ZNF420: variants seen among roughly 807,000 people sequenced by gnomAD.
ZNF420 encodes ATM and p53-associated KZNF protein.
ZNF420 carries 31 observed loss-of-function variants against 44.7 expected under a neutral mutation model. The ratio of observed to expected loss-of-function variants is 0.69; its 90% CI spans 0.52 to 0.94. The LOEUF (loss-of-function observed/expected upper bound fraction) is 0.94, where lower values mean the gene tolerates loss of function less well. ZNF420 is among the 40% of genes least tolerant of loss of function. The pLI, the probability that ZNF420 is intolerant of heterozygous loss-of-function variation, is 0.00. For synonymous variants in ZNF420, 245 were observed against 267.4 expected (o/e 0.92, Z 0.82); for missense variants, 681 against 827.9 (o/e 0.82, Z 2.18).
At chr19:37,045,130 A>G (rs1284629925) in intron 1 of ZNF420, among the ~76,000 whole-genome samples, 1 of 152,174 alleles carries the variant, frequency 6.6e-6, no homozygotes, top group African/African-American at 2.4e-5. Flanking sequence ...TTGCTTCACC[A>G]TATTTTGAAC....
At chr19:37,083,332 T>C (rs1005857230) in intron 2 of ZNF420, among the ~76,000 whole-genome samples, 3 of 152,234 alleles carry the variant, frequency 2.0e-5, no homozygotes, top group Non-Finnish European at 4.4e-5. Flanking sequence ...AATTATATTC[T>C]AATTCTTCTG....
At chr19:37,097,757 G>T (rs1389040013) in intron 4 of ZNF420, among the ~76,000 whole-genome samples, 4 of 152,112 alleles carry the variant, frequency 2.6e-5, no homozygotes, top group Non-Finnish European at 4.4e-5. Flanking sequence ...AAGTTTATAT[G>T]ATCATGATGT....
chr19:37,038,832 A>T (rs1260508581), intron 1 of ZNF420, among the ~76,000 whole-genome samples: 1 of 152,118 alleles, frequency 6.6e-6, no homozygotes, highest in African/African-American at 2.4e-5. Flanking sequence ...TACTAAAAAT[A>T]CAACATTAGC....
At chr19:37,116,384 A>G (rs1196489677) in intron 4 of ZNF420, among the ~76,000 whole-genome samples, 1 of 151,616 alleles carries the variant, frequency 6.6e-6, no homozygotes, top group Non-Finnish European at 1.5e-5. Flanking sequence ...AAAAAAAAAA[A>G]AAAAAAGAAT....
chr19:37,077,389 T>C (rs1461213515), upstream of ZNF420, among the ~76,000 whole-genome samples: 1 of 152,210 alleles, frequency 6.6e-6, no homozygotes, highest in Admixed American at 6.5e-5. Flanking sequence ...CTTTACCCTC[T>C]AATTAGAAAA....
chr19:37,026,005 A>G (rs987250058), intron 1 of ZNF420, among the ~76,000 whole-genome samples: 1 of 152,036 alleles, frequency 6.6e-6, no homozygotes, highest in Non-Finnish European at 1.5e-5. Context: ...TATATAATTT[A>G]ACATCAATCT....
chr19:37,076,355 A>G (rs914753335), upstream of ZNF420, among the ~76,000 whole-genome samples: 4 of 150,670 alleles, frequency 2.7e-5, no homozygotes, highest in African/African-American at 9.8e-5. Flanking sequence ...ATAATTGGAC[A>G]TAATTCTTTT....
intron 4 of ZNF420, among the ~76,000 whole-genome samples, chr19:37,094,242 T>G (rs1191995090): frequency 6.6e-6 from 1 of 152,250 alleles, no homozygotes; most frequent in Non-Finnish European, 1.5e-5. Flanking sequence ...TTGGATTTAT[T>G]TATCCCCTAT....
chr19:37,095,528 C>G (rs1969391917), intron 4 of ZNF420, among the ~76,000 whole-genome samples: 1 of 151,918 alleles, frequency 6.6e-6, no homozygotes. Flanking sequence ...TTCATTATAC[C>G]TTCCTTCTGG....
At chr19:37,055,409 T>C (rs1967723084) in intron 1 of ZNF420, among the ~76,000 whole-genome samples, 1 of 152,206 alleles carries the variant, frequency 6.6e-6, no homozygotes, top group East Asian at 1.9e-4. Context: ...CCTCCACCGG[T>C]AAAAGTCGGC....
At chr19:37,103,549 TCTCA>T (rs1213457362) in intron 4 of ZNF420, among the ~76,000 whole-genome samples, 1 of 152,206 alleles carries the variant, frequency 6.6e-6, no homozygotes, top group Non-Finnish European at 1.5e-5. Flanking sequence ...CCTGAGCTGA[TCTCA>T]CTGAGAAAAC....
At chr19:37,038,055 C>T (rs1200670266) in intron 1 of ZNF420, among the ~76,000 whole-genome samples, 1 of 151,656 alleles carries the variant, frequency 6.6e-6, no homozygotes, top group African/African-American at 2.4e-5. Flanking sequence ...GTTTGAACCC[C>T]GGAGGCAGAG....
chr19:37,098,798 C>G (rs1213061364), intron 4 of ZNF420, among the ~76,000 whole-genome samples: 1 of 152,122 alleles, frequency 6.6e-6, no homozygotes, highest in East Asian at 1.9e-4. Flanking sequence ...CTTATTTCTC[C>G]TATCTAACTA....
chr19:37,042,950 G>T (rs762159029), intron 1 of ZNF420, among the ~76,000 whole-genome samples: 1 of 152,090 alleles, frequency 6.6e-6, no homozygotes, highest in Non-Finnish European at 1.5e-5. Context: ...TCTCAAGGAA[G>T]AGAGAGAGCC....
chr19:37,037,344 G>T (rs996346047), intron 1 of ZNF420, among the ~76,000 whole-genome samples: 17 of 152,212 alleles, frequency 1.1e-4, no homozygotes, highest in Non-Finnish European at 1.9e-4. Flanking sequence ...TGCCGAGATG[G>T]ATGGCTACGA....
At chr19:37,113,994 T>A (rs2146679751) in intron 4 of ZNF420, among the ~76,000 whole-genome samples, 1 of 152,206 alleles carries the variant, frequency 6.6e-6, no homozygotes, top group East Asian at 1.9e-4. Context: ...GGGAGTTGGG[T>A]CCATACTGTT....
At chr19:37,116,521 C>G (rs746631017) in intron 4 of ZNF420, among the ~76,000 whole-genome samples, 7 of 152,178 alleles carry the variant, frequency 4.6e-5, no homozygotes, top group Non-Finnish European at 1.0e-4. Context: ...CAGCTCCCAG[C>G]ATGAACGACG....
intron 4 of ZNF420, among the ~76,000 whole-genome samples, chr19:37,110,395 C>T (rs1297154247): frequency 6.6e-6 from 1 of 152,172 alleles, no homozygotes; most frequent in Non-Finnish European, 1.5e-5. Flanking sequence ...TTTAATCCTG[C>T]TGCATTTGCA....
intron 1 of ZNF420, among the ~76,000 whole-genome samples, chr19:37,057,222 C>T (rs2146434085): frequency 6.6e-6 from 1 of 152,320 alleles, no homozygotes; most frequent in Middle Eastern, 3.4e-3. Flanking sequence ...AGGCAGAGTC[C>T]AGGGGAAGCA....
Sources: allele counts gnomAD v4.1 joint callset (sites outside exome capture counted in the v4.1 genomes callset), GRCh38; gene constraint gnomAD v4.1.1; transcripts MANE v1.5; gene names NCBI Gene and HGNC (gene_info 2026-07-23, HGNC 2026-07-21).